The following SLCO1A2 variants were observed in gnomAD, a reference collection of about 807,000 sequenced individuals.
The protein encoded by SLCO1A2 is OATP-1.
SLCO1A2 carries 67 observed loss-of-function variants against 69.0 expected under a neutral mutation model. The ratio of observed to expected loss-of-function variants is 0.97; its 90% CI spans 0.80 to 1.19. The LOEUF is 1.19. Among genes scored for constraint, SLCO1A2 ranks in the 50% most tolerant of loss-of-function variants. The probability of loss-of-function intolerance (pLI) is 0.00; values close to 1 mark genes in which losing one functional copy is unlikely to be tolerated. For missense variants in SLCO1A2, 787 were observed against 793.7 expected, an observed-to-expected ratio of 0.99 and a Z score of 0.10; for synonymous variants, 260 against 265.9, an observed-to-expected ratio of 0.98 and a Z score of 0.22.
At chr12:21,308,900 G>A (rs1949759272) in intron 4 of SLCO1A2, among the ~76,000 whole-genome samples, 1 of 152,052 alleles carries the variant, frequency 6.6e-6, no homozygotes, top group South Asian at 2.1e-4. Flanking sequence ...ACAACCACCA[G>A]ATATATGAGA....
rs368362364 is a variant in SLCO1A2, at chr12:21,293,897, G to A, written c.1437+48C>T. Reference sequence around the variant, plus strand: ...AAATATAGGCCCAGTTCATAGTTGGGAAGTACCAATGCAACTCAAAAAAGT... The same window carrying A: ...AAATATAGGCCCAGTTCATAGTTGGAAAGTACCAATGCAACTCAAAAAAGT... On this transcript the variant is annotated intron_variant, in intron 11 of 14. Transcript: ENST00000683939. 3,230 of 1,496,684 alleles carry A rather than the reference G, an allele frequency of 2.2e-3. 104 individuals carry two copies. The South Asian group carries it at 0.04, about 19-fold the overall frequency. 92.7% of individuals were successfully genotyped at this position (1,496,684 alleles called of 1,614,324 possible).
Position 21,319,657 on chromosome 12 carries a change from G to C in SLCO1A2, c.61-734C>G, listed in dbSNP as rs1369643907. ...AGCTTTCCTGAACCTTGGAGAATCA[G>C]CTCACCTGGACCATTGGCTTCTGTT... is the stretch of plus-strand genomic sequence containing the variant. On this transcript the variant is annotated intron_variant, in intron 2 of 14. Coordinates refer to ENST00000683939, the MANE Select transcript of SLCO1A2 (RefSeq NM_001386879.1). The C allele has an allele frequency of 3.6e-5, 13 of 358,044 alleles. No individual in the cohort carries two copies. The Admixed American group carries it at 4.8e-4, about 13-fold the overall frequency. The allele number at this position is 358,044 out of a possible 1,614,324, so 22.2% of individuals were successfully genotyped here. A position where few individuals can be genotyped will look rare whatever the true frequency, so the allele number is the denominator to read the frequency against.
intron 2 of SLCO1A2, among the ~76,000 whole-genome samples, chr12:21,331,273 T>C (rs903779445): frequency 6.6e-6 from 1 of 151,550 alleles, no homozygotes; most frequent in Non-Finnish European, 1.5e-5. Flanking sequence ...TTTTTTTTGG[T>C]ACCAGACAGT....
intron 12 of SLCO1A2, among the ~76,000 whole-genome samples, chr12:21,277,940 G>A (rs1203000699): frequency 1.3e-5 from 2 of 152,172 alleles, no homozygotes; most frequent in Non-Finnish European, 2.9e-5. Context: ...GCATGTTTTT[G>A]CAGTTCCAGA....
At chr12:21,373,575 T>G in intron 2 of SLCO1A2, 1 of 710,916 alleles carries the variant, frequency 1.4e-6, no homozygotes, top group Middle Eastern at 2.3e-4. Flanking sequence ...CATTGTTCCT[T>G]GAATTCTGTG....
chr12:21,375,731 C>A (rs768826696), intron 1 of SLCO1A2, among the ~76,000 whole-genome samples: 1 of 152,206 alleles, frequency 6.6e-6, no homozygotes. Context: ...ATTTTGAAAA[C>A]TCTGGAGAGA....
At chr12:21,278,804 A>C (rs183351522) in intron 12 of SLCO1A2, among the ~76,000 whole-genome samples, 359 of 152,286 alleles carry the variant, frequency 2.4e-3, no homozygotes, top group Non-Finnish European at 3.4e-3. Context: ...ACAAACATTG[A>C]CAAGCATAAA....
chr12:21,374,913 A>C (rs566162698), intron 1 of SLCO1A2, among the ~76,000 whole-genome samples: 1 of 152,098 alleles, frequency 6.6e-6, no homozygotes, highest in South Asian at 2.1e-4. Context: ...TTCTAGGCTC[A>C]GGTGATCCTC....
chr12:21,317,221 C>T (rs766593735), intron 3 of SLCO1A2, among the ~76,000 whole-genome samples: 1 of 152,102 alleles, frequency 6.6e-6, no homozygotes, highest in Non-Finnish European at 1.5e-5. Context: ...AAAGTAAATG[C>T]CATAGCAGGC....
At chr12:21,328,792 C>G (rs1952422680) in intron 2 of SLCO1A2, among the ~76,000 whole-genome samples, 1 of 152,126 alleles carries the variant, frequency 6.6e-6, no homozygotes, top group Non-Finnish European at 1.5e-5. Context: ...AGAATTACTT[C>G]AGAGGCCAGT....
upstream of SLCO1A2, among the ~76,000 whole-genome samples, chr12:21,398,612 T>C (rs979888808): frequency 3.9e-5 from 6 of 151,974 alleles, no homozygotes; most frequent in African/African-American, 9.7e-5. Flanking sequence ...TGAACATTGA[T>C]GCAAAAATCC....
rs1952825150 is a variant in SLCO1A2 at position 21,334,813 on chromosome 12, C to T, written c.-63+14G>A. The T allele has an allele frequency of 3.5e-6, 2 of 564,252 alleles. No homozygotes were observed. The highest frequency in any genetic ancestry group is 6.1e-6 in the Non-Finnish European group (2 of 327,322). The allele number at this position is 564,252 out of a possible 1,614,324, so 35.0% of individuals were successfully genotyped here. On this transcript the variant is annotated intron_variant, in intron 1 of 14. Transcript: ENST00000683939. Reference sequence around the variant, plus strand: ...TGAACAACATAATTGAAATCCATTGCATTACAAAAATACCTGGAACGCTTT... The same window carrying T: ...TGAACAACATAATTGAAATCCATTGTATTACAAAAATACCTGGAACGCTTT...
At chr12:21,319,427 C>T (rs1226340748) in intron 2 of SLCO1A2, 2 of 1,367,852 alleles carry the variant, frequency 1.5e-6, no homozygotes, top group South Asian at 1.1e-5. Flanking sequence ...CAGAAACATT[C>T]TGCATTCTCA....
intron 8 of SLCO1A2, 23 bp downstream of exon 8, chr12:21,300,325 G>A (rs558556485): frequency 1.4e-4 from 216 of 1,498,142 alleles, no homozygotes; most frequent in Non-Finnish European, 1.9e-4. Context: ...CAATTTCATA[G>A]TATTTAGAAT....
At chr12:21,321,325 A>T (rs1486793560) in intron 2 of SLCO1A2, among the ~76,000 whole-genome samples, 1 of 152,144 alleles carries the variant, frequency 6.6e-6, no homozygotes, top group Admixed American at 6.5e-5. Context: ...CATGCTTTTA[A>T]CTACCACACG....
At chr12:21,289,909 C>T (rs900140149) in intron 12 of SLCO1A2, among the ~76,000 whole-genome samples, 1 of 152,070 alleles carries the variant, frequency 6.6e-6, no homozygotes, top group African/African-American at 2.4e-5. Flanking sequence ...CAGTAGAACA[C>T]CCAGTTGGTG....
chr12:21,353,687 G>A (rs941757332), intron 2 of SLCO1A2, among the ~76,000 whole-genome samples: 2 of 152,130 alleles, frequency 1.3e-5, no homozygotes, highest in African/African-American at 4.8e-5. Context: ...GCATGAAAGG[G>A]ACCAGGCAGC....
chr12:21,357,439 A>T (rs774581759), intron 2 of SLCO1A2, among the ~76,000 whole-genome samples: 2 of 152,186 alleles, frequency 1.3e-5, no homozygotes, highest in Non-Finnish European at 2.9e-5. Flanking sequence ...CCCTGCTGAC[A>T]CCTAATCTTA....
At chr12:21,342,558 T>G (rs1953106827) in intron 2 of SLCO1A2, among the ~76,000 whole-genome samples, 1 of 151,984 alleles carries the variant, frequency 6.6e-6, no homozygotes, top group African/African-American at 2.4e-5. Context: ...ATAAATTTAT[T>G]TCTTAACAGG....
Sources: gnomAD v4.1 joint callset for allele counts (sites outside exome capture counted in the v4.1 genomes callset) on GRCh38, gnomAD v4.1.1 for gene constraint, MANE v1.5 for transcripts, NCBI Gene and HGNC (gene_info 2026-07-23, HGNC 2026-07-21) for gene names.